Variants in RBMS3 observed in about 807,000 individuals in gnomAD.
The protein encoded by RBMS3 is RNA binding motif single stranded interacting protein 3.
RBMS3 carries 27 observed loss-of-function variants against 66.8 expected under a neutral mutation model. The observed-to-expected ratio is 0.40, with a 90% CI of 0.30 to 0.56. The LOEUF is 0.56. RBMS3 is among the 20% of genes least tolerant of loss of function. The pLI is 0.40. For synonymous variants in RBMS3, 188 were observed against 183.0 expected (o/e 1.03, Z -0.22); for missense variants, 513 against 549.5 (o/e 0.93, Z 0.66).
intron 5 of RBMS3, 84 bp downstream of exon 5, chr3:29,739,961 G>C: frequency 2.2e-4 from 181 of 812,984 alleles, no homozygotes; most frequent in Non-Finnish European, 2.7e-4. Context: ...AGAGCCCAAA[G>C]CAATAGAATA....
At chr3:29,285,706 G>A (rs1204834144) in intron 1 of RBMS3, among the ~76,000 whole-genome samples, 1 of 152,146 alleles carries the variant, frequency 6.6e-6, no homozygotes, top group African/African-American at 2.4e-5. Flanking sequence ...ACTGCACGTT[G>A]ATTTCAGGCT....
At chr3:29,523,041 G>A (rs2044928078) in intron 3 of RBMS3, among the ~76,000 whole-genome samples, 1 of 152,170 alleles carries the variant, frequency 6.6e-6, no homozygotes, top group South Asian at 2.1e-4. Flanking sequence ...TCTTACAAGA[G>A]CCTTGTGAAG....
intron 1 of RBMS3, among the ~76,000 whole-genome samples, chr3:29,430,399 C>A (rs1025872978): frequency 6.6e-6 from 1 of 152,158 alleles, no homozygotes; most frequent in Non-Finnish European, 1.5e-5. Flanking sequence ...GAAATACATT[C>A]TTTCTTCACA....
At chr3:29,457,152 C>T (rs7648007) in intron 2 of RBMS3, among the ~76,000 whole-genome samples, 18,477 of 152,148 alleles carry the variant, frequency 0.12, 1,683 homozygotes, top group East Asian at 0.27. Context: ...CAGACATCTT[C>T]TACACCTCCC....
At chr3:29,967,665 A>T (rs1696942978) in intron 12 of RBMS3, among the ~76,000 whole-genome samples, 2 of 152,138 alleles carry the variant, frequency 1.3e-5, no homozygotes. Flanking sequence ...CGGTCTGTTC[A>T]GGGCATCTAA....
intron 6 of RBMS3, among the ~76,000 whole-genome samples, chr3:29,814,351 A>C (rs2057814981): frequency 6.6e-6 from 1 of 152,150 alleles, no homozygotes; most frequent in Non-Finnish European, 1.5e-5. Context: ...ATGGTGGATA[A>C]GCCTTTTGAT....
intron 4 of RBMS3, among the ~76,000 whole-genome samples, chr3:29,703,125 T>C (rs1346026340): frequency 6.6e-6 from 1 of 152,256 alleles, no homozygotes; most frequent in Non-Finnish European, 1.5e-5. Flanking sequence ...ACAATAATTC[T>C]CACTTACATT....
intron 3 of RBMS3, among the ~76,000 whole-genome samples, chr3:29,538,007 G>T (rs2045635871): frequency 6.6e-6 from 1 of 151,942 alleles, no homozygotes; most frequent in Non-Finnish European, 1.5e-5. Flanking sequence ...TTGGAAACAG[G>T]GAGCAAATAA....
intron 6 of RBMS3, among the ~76,000 whole-genome samples, chr3:29,864,768 C>T (rs1176768580): frequency 1.4e-5 from 2 of 139,384 alleles, no homozygotes; most frequent in Non-Finnish European, 3.2e-5. Context: ...ACATTATTTC[C>T]CCATTTTATA....
intron 12 of RBMS3, among the ~76,000 whole-genome samples, chr3:29,976,937 A>G (rs1034627626): frequency 6.6e-6 from 1 of 152,050 alleles, no homozygotes; most frequent in African/African-American, 2.4e-5. Context: ...TACTCCCTAT[A>G]TCCCCAAGCT....
At chr3:29,883,220 T>C (rs2149577584) in intron 7 of RBMS3, among the ~76,000 whole-genome samples, 1 of 152,184 alleles carries the variant, frequency 6.6e-6, no homozygotes. Context: ...TGGATATTGA[T>C]ACTCAGGTCT....
intron 2 of RBMS3, among the ~76,000 whole-genome samples, chr3:29,482,533 T>C (rs1273342496): frequency 6.6e-6 from 1 of 152,084 alleles, no homozygotes; most frequent in Non-Finnish European, 1.5e-5. Context: ...GAGATTTACA[T>C]AGGCATTGCC....
intron 12 of RBMS3, among the ~76,000 whole-genome samples, chr3:29,974,842 T>G (rs1358834812): frequency 8.0e-6 from 1 of 125,388 alleles, no homozygotes; most frequent in Admixed American, 8.3e-5. Flanking sequence ...TATATTTATA[T>G]TTTTATATAT....
chr3:29,775,236 GTTT>G (rs961918991), intron 6 of RBMS3, among the ~76,000 whole-genome samples: 23 of 145,596 alleles, frequency 1.6e-4, no homozygotes, highest in Non-Finnish European at 1.2e-4. Context: ...AGTTCTACCA[GTTT>G]TTTTTTATTT....
intron 7 of RBMS3, 123 bp downstream of exon 7, chr3:29,869,087 G>A (rs2059428253): frequency 5.5e-6 from 4 of 728,034 alleles, no homozygotes; most frequent in Middle Eastern, 2.9e-4. Flanking sequence ...TGTCTTCAAA[G>A]GGGCAAATGA....
intron 6 of RBMS3, among the ~76,000 whole-genome samples, chr3:29,788,202 A>ATTTTT (rs34037007): frequency 2.5e-4 from 34 of 134,990 alleles, no homozygotes; most frequent in Non-Finnish European, 3.1e-4. Context: ...TTTGGAGTTC[A>ATTTTT]TTTTTTTTTT....
chr3:29,333,113 A>G (rs2035757852), intron 1 of RBMS3, among the ~76,000 whole-genome samples: 1 of 152,136 alleles, frequency 6.6e-6, no homozygotes. Flanking sequence ...AAATTTGTAT[A>G]TGTGTGTATA....
chr3:29,960,551 G>A lies in RBMS3; in HGVS notation c.1098+16297G>A, dbSNP rs565068058. ...CAGGGGGGACTCTGTGTGGGAACTC[G>A]CACCCCACATTTCCCTTCCACACTG... On this transcript the variant is annotated intron_variant, in intron 12 of 14. Coordinates refer to ENST00000383767, the MANE Select transcript of RBMS3 (RefSeq NM_001003793.3). Among the ~76,000 whole-genome samples the A allele has an allele frequency of 1.5e-4, 23 of 152,274 alleles. No homozygotes were observed. In the South Asian group the frequency reaches 2.5e-3, roughly 16 times the overall value.
chr3:29,778,325 T>C (rs1437857459), intron 6 of RBMS3, among the ~76,000 whole-genome samples: 1 of 151,810 alleles, frequency 6.6e-6, no homozygotes, highest in East Asian at 1.9e-4. Context: ...TGACTCTCTG[T>C]ATATGATTAT....
Sources: allele counts gnomAD v4.1 joint callset (sites outside exome capture counted in the v4.1 genomes callset), GRCh38; gene constraint gnomAD v4.1.1; transcripts MANE v1.5; gene names NCBI Gene and HGNC (gene_info 2026-07-23, HGNC 2026-07-21).